DAB2IP: variants seen among roughly 807,000 people sequenced by gnomAD.
DAB2IP encodes DAB2 interacting protein.
Under a neutral mutation model 107.2 loss-of-function variants are expected in DAB2IP, and 28 were observed. The ratio of observed to expected loss-of-function variants is 0.26; its 90% CI spans 0.19 to 0.36. DAB2IP has a LOEUF of 0.36. Ranked by LOEUF, DAB2IP falls within the 10% of genes least tolerant of loss-of-function variation. The pLI is 1.00. For missense variants in DAB2IP, 1,400 were observed against 1,644.7 expected (o/e 0.85, Z 2.57); for synonymous variants, 755 against 706.4 (o/e 1.07, Z -1.09).
intron 1 of DAB2IP, among the ~76,000 whole-genome samples, chr9:121,575,703 G>A (rs1004096637): frequency 5.9e-5 from 9 of 151,962 alleles, no homozygotes; most frequent in African/African-American, 2.2e-4. Flanking sequence ...CTGACTGCAG[G>A]ATATCCAGAG....
Position 121,776,465 on chromosome 9 carries a change from G to C in DAB2IP, c.3314+74G>C. 1 of 1,414,370 alleles carries C rather than the reference G, an allele frequency of 7.1e-7. No individual in the cohort carries two copies. The highest frequency in any genetic ancestry group is 9.4e-7 in the Non-Finnish European group (1 of 1,066,938). The allele number at this position is 1,414,370 out of a possible 1,614,324, so 87.6% of individuals were successfully genotyped here. A position where few individuals can be genotyped will look rare whatever the true frequency, so the allele number is the denominator to read the frequency against. ...CATCGCTGCCTTCGAGGAGGCCCCT[G>C]GTCGGGGAGCCTCCTCAAAGGATAA... is the stretch of plus-strand genomic sequence containing the variant. On this transcript the variant is annotated intron_variant, in intron 14 of 15. Transcript: ENST00000408936. This position sits in a 1 kb window ranked among gnomAD's most constrained non-coding sequence, Gnocchi z 5.4.
rs752400251 is a variant in DAB2IP at position 121,631,813 on chromosome 9, T to TAAA, written c.41-46841_41-46839dup. ...CCTGGCTACAGGGCAAGACTCCGTC[T>TAAA]AAAAAAAAAAAAAAAAAAAAAAAAA... On this transcript the variant is annotated intron_variant, in intron 1 of 16. Transcript: ENST00000259371. Among the ~76,000 whole-genome samples the TAAA allele has an allele frequency of 1.3e-3, 74 of 58,914 alleles. 2 individuals are homozygous for TAAA. Among genetic ancestry groups the TAAA allele is most frequent in the Non-Finnish European group, 2.0e-3 (63 of 32,246 alleles). 38.6% of individuals were successfully genotyped at this position (58,914 alleles called of 152,430 possible).
chr9:121,617,285 C>G (rs1984036), intron 1 of DAB2IP, among the ~76,000 whole-genome samples: 43,006 of 152,022 alleles, frequency 0.28, 6,828 homozygotes, highest in East Asian at 0.61. Context: ...GATTGGGCCA[C>G]TGCACTCCAG....
At chr9:121,571,485 T>C (rs1829939963) in intron 1 of DAB2IP, among the ~76,000 whole-genome samples, 1 of 152,002 alleles carries the variant, frequency 6.6e-6, no homozygotes, top group Non-Finnish European at 1.5e-5. Flanking sequence ...CTTACAATCT[T>C]GGTCAGGGGT....
chr9:121,592,901 G>C (rs771433318), intron 1 of DAB2IP, among the ~76,000 whole-genome samples: 4 of 152,130 alleles, frequency 2.6e-5, no homozygotes, highest in Admixed American at 2.6e-4. Flanking sequence ...GTGCCAGAGC[G>C]GATGGGCAGA....
intron 1 of DAB2IP, among the ~76,000 whole-genome samples, chr9:121,626,677 G>T (rs574982966): frequency 6.6e-6 from 1 of 152,046 alleles, no homozygotes; most frequent in Non-Finnish European, 1.5e-5. Context: ...GCCTGCCTCA[G>T]CCTCCCAAAG....
intron 1 of DAB2IP, among the ~76,000 whole-genome samples, chr9:121,664,808 C>T (rs995662900): frequency 6.6e-6 from 1 of 152,212 alleles, no homozygotes; most frequent in African/African-American, 2.4e-5. Flanking sequence ...CCGCTAACTT[C>T]CTAGTGCTAT....
chr9:121,616,039 T>C (rs1424550616), intron 1 of DAB2IP, among the ~76,000 whole-genome samples: 2 of 152,090 alleles, frequency 1.3e-5, no homozygotes, highest in Non-Finnish European at 2.9e-5. Context: ...TGGGACCCTG[T>C]TGTGTCCCTG....
rs13298055 is a variant in DAB2IP, at chr9:121,784,808, G to T, written c.*2310G>T. ...TCTTCCCTGCCTGTGGCATTTGTGTGTTGGCTTTGCAGCTGCTGTCTGAGT... is the reference window on the plus strand; with the variant it reads ...TCTTCCCTGCCTGTGGCATTTGTGTTTTGGCTTTGCAGCTGCTGTCTGAGT... On this transcript the variant is annotated 3_prime_UTR_variant, in exon 16 of 16. Transcript: ENST00000408936. 3,130 of 153,536 alleles carry T rather than the reference G, an allele frequency of 0.02. 54 individuals carry two copies. The highest frequency in any genetic ancestry group is 0.034 in the Non-Finnish European group (2,324 of 68,634). The allele number at this position is 153,536 out of a possible 1,614,324, so 9.5% of individuals were successfully genotyped here. A position where few individuals can be genotyped will look rare whatever the true frequency, so the allele number is the denominator to read the frequency against.
chr9:121,764,186 C>G (rs181341522), intron 8 of DAB2IP, among the ~76,000 whole-genome samples: 1 of 152,196 alleles, frequency 6.6e-6, no homozygotes, highest in African/African-American at 2.4e-5. Context: ...CCTGTGTGGG[C>G]CCCCACTTGG....
rs939131009 is a variant in DAB2IP at position 121,635,549 on chromosome 9, T to G, written c.41-43129T>G. On this transcript the variant is annotated intron_variant, in intron 1 of 16. Transcript: ENST00000259371. This position sits in a 1 kb window ranked among gnomAD's most constrained non-coding sequence, Gnocchi z 4.3. ...GGAGTGAAGGAGGCACTGGCTTTGC[T>G]GCCAACATGGCCTGTCTGCAGGGAA... Among the ~76,000 whole-genome samples, 1 of 151,942 alleles carries G rather than the reference T, an allele frequency of 6.6e-6. No individual in the cohort carries two copies. Among genetic ancestry groups the G allele is most frequent in the Non-Finnish European group, 1.5e-5 (1 of 67,976 alleles).
chr9:121,778,984 C>A (rs931627508), intron 14 of DAB2IP, among the ~76,000 whole-genome samples: 2 of 152,168 alleles, frequency 1.3e-5, no homozygotes, highest in Admixed American at 1.3e-4. Context: ...TCCCACCTCC[C>A]CCCATTTCTT....
intron 1 of DAB2IP, among the ~76,000 whole-genome samples, chr9:121,601,969 A>C (rs1180686756): frequency 6.6e-6 from 1 of 151,818 alleles, no homozygotes; most frequent in South Asian, 2.1e-4. Context: ...AAGCACCTAG[A>C]GCACCTGTTA....
rs762594726 is a variant in DAB2IP, at chr9:121,763,829, C to T, written c.1410C>T (p.Asn470=). 22 of 1,614,050 alleles carry T rather than the reference C, an allele frequency of 1.4e-5. 1 individual carries two copies. The South Asian group carries it at 2.1e-4, about 15-fold the overall frequency. The change falls in exon 8 of 16, where the codon AAC becomes AAT. Residue 470 remains asparagine, a synonymous_variant. Coordinates refer to ENST00000408936, the Ensembl canonical transcript of DAB2IP. ...CTGACCTCCCAGAGCACCAGGGCAACCTCAAGATGTGCTGCGAGCTGGCCT... is the reference window on the plus strand; with the variant it reads ...CTGACCTCCCAGAGCACCAGGGCAATCTCAAGATGTGCTGCGAGCTGGCCT...
chr9:121,601,876 A>G (rs1830692529), intron 1 of DAB2IP, among the ~76,000 whole-genome samples: 2 of 133,336 alleles, frequency 1.5e-5, no homozygotes, highest in African/African-American at 5.7e-5. Context: ...CCTTGCTTGC[A>G]TACATGCCTT....
chr9:121,674,128 A>G (rs1168113230), intron 1 of DAB2IP, among the ~76,000 whole-genome samples: 1 of 152,170 alleles, frequency 6.6e-6, no homozygotes, highest in Non-Finnish European at 1.5e-5. Flanking sequence ...GCTGGGAGGC[A>G]AAGGTCCAGA....
At chr9:121,650,333 G>C (rs571374590), upstream of DAB2IP, among the ~76,000 whole-genome samples, 1 of 152,302 alleles carries the variant, frequency 6.6e-6, no homozygotes. Flanking sequence ...TGTGAGACAG[G>C]CTCCGCAGGA....
At chr9:121,690,712 C>T (rs1184525698) in intron 2 of DAB2IP, among the ~76,000 whole-genome samples, 1 of 152,184 alleles carries the variant, frequency 6.6e-6, no homozygotes, top group Non-Finnish European at 1.5e-5. Context: ...TTCACCTTTA[C>T]CCTCTTCAAA....
intron 6 of DAB2IP, among the ~76,000 whole-genome samples, chr9:121,762,493 C>G (rs1833968023): frequency 6.6e-6 from 1 of 152,212 alleles, no homozygotes; most frequent in South Asian, 2.1e-4. Context: ...ATGACAGCTT[C>G]CCCTTTGCCC....
Sources: allele counts gnomAD v4.1 joint callset (sites outside exome capture counted in the v4.1 genomes callset), GRCh38; gene constraint gnomAD v4.1.1; non-coding constraint Gnocchi (gnomAD v3.1); transcripts MANE v1.5; gene names NCBI Gene and HGNC (gene_info 2026-07-23, HGNC 2026-07-21).